Variants in ZRANB3 observed in about 807,000 individuals in gnomAD.
The protein encoded by ZRANB3 is zinc finger RANBP2-type containing 3, also known as DNA annealing helicase and endonuclease ZRANB3.
Under a neutral mutation model 133.8 loss-of-function variants are expected in ZRANB3, and 125 were observed. The ratio of observed to expected loss-of-function variants is 0.93; its 90% CI spans 0.81 to 1.08. The LOEUF is 1.08. ZRANB3 is among the 50% of genes least tolerant of loss of function. ZRANB3 has a pLI of 0.00. For synonymous variants in ZRANB3, 387 were observed against 432.7 expected (o/e 0.89, Z 1.31); for missense variants, 1,229 against 1,275.5 (o/e 0.96, Z 0.56).
Position 135,281,527 on chromosome 2 carries a change from T to C in ZRANB3, c.967-5772A>G, listed in dbSNP as rs1341436095. Among the ~76,000 whole-genome samples, 7 of 152,142 alleles carry C rather than the reference T, an allele frequency of 4.6e-5. No individual in the cohort carries two copies. The East Asian group carries it at 1.3e-3, about 29-fold the overall frequency. ...TGACAAAGGCACTCTTAGGAACACT[T>C]TTCCTTGCTTTGGACATTATAGGCT... On this transcript the variant is annotated intron_variant, in intron 8 of 20. Coordinates refer to ENST00000264159, the MANE Select transcript of ZRANB3 (RefSeq NM_032143.4).
chr2:135,240,855 C>T (rs1360280925), intron 12 of ZRANB3, among the ~76,000 whole-genome samples: 2 of 152,212 alleles, frequency 1.3e-5, no homozygotes, highest in Non-Finnish European at 2.9e-5. Flanking sequence ...GGTGGAATTA[C>T]AGGCGTGAGC....
intron 8 of ZRANB3, among the ~76,000 whole-genome samples, chr2:135,277,923 A>G (rs1680917708): frequency 6.8e-6 from 1 of 147,372 alleles, no homozygotes; most frequent in South Asian, 2.1e-4. Context: ...ACTCTGTCTC[A>G]AAAAAAAAAC....
chr2:135,521,239 C>G (rs2104842701), intron 1 of ZRANB3, among the ~76,000 whole-genome samples: 1 of 152,294 alleles, frequency 6.6e-6, no homozygotes, highest in South Asian at 2.1e-4. Context: ...ATCACTCACT[C>G]AAGAAATACT....
intron 16 of ZRANB3, among the ~76,000 whole-genome samples, chr2:135,218,585 T>C (rs1694409313): frequency 6.6e-6 from 1 of 152,052 alleles, no homozygotes; most frequent in South Asian, 2.1e-4. Flanking sequence ...CTGCGCATGA[T>C]GACCCTTCTT....
chr2:135,285,398 C>A (rs763997016), intron 8 of ZRANB3, among the ~76,000 whole-genome samples: 20 of 152,136 alleles, frequency 1.3e-4, no homozygotes, highest in Non-Finnish European at 2.5e-4. Flanking sequence ...AGAGTGTCCC[C>A]AATTCAGAGC....
intron 12 of ZRANB3, among the ~76,000 whole-genome samples, chr2:135,251,999 C>T (rs1483820294): frequency 6.6e-6 from 1 of 152,194 alleles, no homozygotes; most frequent in Non-Finnish European, 1.5e-5. Flanking sequence ...CGTGCCACTG[C>T]ACTCCAGCCT....
chr2:135,393,790 C>A (rs1687352134), intron 2 of ZRANB3, among the ~76,000 whole-genome samples: 1 of 152,096 alleles, frequency 6.6e-6, no homozygotes, highest in African/African-American at 2.4e-5. Context: ...CTGGTCTAAT[C>A]ATCAACTCTA....
intron 8 of ZRANB3, among the ~76,000 whole-genome samples, chr2:135,305,588 T>C (rs1280590582): frequency 6.6e-6 from 1 of 152,210 alleles, no homozygotes; most frequent in Non-Finnish European, 1.5e-5. Flanking sequence ...TTCTCTCTTA[T>C]TTTTTATCAT....
intron 14 of ZRANB3, among the ~76,000 whole-genome samples, chr2:135,225,592 T>C (rs1407700695): frequency 3.3e-5 from 5 of 152,224 alleles, no homozygotes; most frequent in Admixed American, 1.3e-4. Flanking sequence ...AGCTGAGTCA[T>C]AGCTGTAATA....
At chr2:135,365,830 C>T (rs564120319) in intron 3 of ZRANB3, among the ~76,000 whole-genome samples, 4 of 152,066 alleles carry the variant, frequency 2.6e-5, no homozygotes, top group African/African-American at 4.8e-5. Flanking sequence ...TGTGGCAACA[C>T]TATAATTAAT....
intron 2 of ZRANB3, among the ~76,000 whole-genome samples, chr2:135,492,011 C>CATTAGTT (rs1304922339): frequency 6.6e-5 from 10 of 152,224 alleles, no homozygotes; most frequent in African/African-American, 2.4e-4. Context: ...TTACACAAAA[C>CATTAGTT]ATTAGTTATA....
chr2:135,438,714 G>A (rs1008681019), intron 2 of ZRANB3, among the ~76,000 whole-genome samples: 1 of 152,018 alleles, frequency 6.6e-6, no homozygotes, highest in Non-Finnish European at 1.5e-5. Context: ...ATTAACTGAA[G>A]ACATTATCTG....
At chr2:135,355,788 T>C (rs1229253603) in intron 3 of ZRANB3, among the ~76,000 whole-genome samples, 1 of 152,204 alleles carries the variant, frequency 6.6e-6, no homozygotes, top group Non-Finnish European at 1.5e-5. Flanking sequence ...TACCACTAAC[T>C]TTGTGCTATG....
intron 2 of ZRANB3, among the ~76,000 whole-genome samples, chr2:135,468,729 G>T (rs1691114910): frequency 6.6e-6 from 1 of 152,184 alleles, no homozygotes; most frequent in African/African-American, 2.4e-5. Flanking sequence ...AGTATTATGA[G>T]AAATGAGTTT....
At chr2:135,378,452 A>G (rs1408986998) in intron 3 of ZRANB3, among the ~76,000 whole-genome samples, 4 of 151,782 alleles carry the variant, frequency 2.6e-5, no homozygotes, top group Admixed American at 1.3e-4. Context: ...AGATCACGCC[A>G]TTGCATTCCA....
At chr2:135,260,674 C>A (rs1679913758) in intron 12 of ZRANB3, among the ~76,000 whole-genome samples, 2 of 144,656 alleles carry the variant, frequency 1.4e-5, no homozygotes, top group Admixed American at 1.4e-4. Context: ...TTTATATATA[C>A]TTGAACATAT....
chr2:135,265,429 T>G, intron 12 of ZRANB3, 105 bp downstream of exon 12: 1 of 1,277,160 alleles, frequency 7.8e-7, no homozygotes, highest in South Asian at 2.0e-5. Flanking sequence ...GAAGTCTCCT[T>G]TCAACACCAT....
At chr2:135,390,169 G>A (rs1333809531) in intron 3 of ZRANB3, among the ~76,000 whole-genome samples, 1 of 152,096 alleles carries the variant, frequency 6.6e-6, no homozygotes, top group Non-Finnish European at 1.5e-5. Flanking sequence ...GTGAGCCACT[G>A]CGCCTGGCCG....
intron 2 of ZRANB3, among the ~76,000 whole-genome samples, chr2:135,448,231 C>T (rs1018157671): frequency 6.6e-6 from 1 of 152,196 alleles, no homozygotes; most frequent in African/African-American, 2.4e-5. Flanking sequence ...GATTCATGAT[C>T]TTTCCTCTTT....
Sources: gnomAD v4.1 joint callset for allele counts (sites outside exome capture counted in the v4.1 genomes callset) on GRCh38, gnomAD v4.1.1 for gene constraint, MANE v1.5 for transcripts, NCBI Gene and HGNC (gene_info 2026-07-23, HGNC 2026-07-21) for gene names.